DCX: variants seen among roughly 807,000 people sequenced by gnomAD.
DCX encodes doublecortin, also known as neuronal migration protein doublecortin.
DCX carries 4 observed loss-of-function variants against 20.9 expected under a neutral mutation model. The ratio of observed to expected loss-of-function variants is 0.19; its 90% CI spans 0.09 to 0.44. The LOEUF is 0.44. DCX is among the 20% of genes least tolerant of loss of function. The pLI, the probability that DCX is intolerant of heterozygous loss-of-function variation, is 0.99. For synonymous variants in DCX, 103 were observed against 111.4 expected, an observed-to-expected ratio of 0.92 and a Z score of 0.47; for missense variants, 133 against 296.9, an observed-to-expected ratio of 0.45 and a Z score of 4.06.
chrX:111,301,928 C>G (rs2095035190), intron 6 of DCX, among the ~76,000 whole-genome samples, 185 bp from the exon 7 acceptor site: 1 of 111,600 alleles, frequency 9.0e-6, no homozygotes, highest in East Asian at 2.8e-4. Context: ...TCAATTTTCC[C>G]TAATGGTACC....
At position 111,329,271 on chromosome X, in the gene DCX, ATTT is replaced by A. The variant is rs772876760; in HGVS notation, c.946+1630_946+1632del. On this transcript the variant is annotated intron_variant, in intron 5 of 6. Coordinates refer to ENST00000636035, the MANE Select transcript of DCX (RefSeq NM_001195553.2). Reference sequence around the variant, plus strand: ...AACAAGATAGCATCAAGGCACATGTATTTTTTATTTCTTCAGCAAACATTATCT... The same window carrying A: ...AACAAGATAGCATCAAGGCACATGTATTTATTTCTTCAGCAAACATTATCT... Among the ~76,000 whole-genome samples, 286 of 111,863 alleles carry A rather than the reference ATTT, an allele frequency of 2.6e-3. 2 individuals carry two copies. The highest frequency in any genetic ancestry group is 8.7e-3 in the African/African-American group (267 of 30,856).
intron 5 of DCX, among the ~76,000 whole-genome samples, chrX:111,319,796 G>A (rs750698289): frequency 9.0e-5 from 10 of 111,586 alleles, no homozygotes; most frequent in East Asian, 2.8e-4. Flanking sequence ...GGGCAACCCC[G>A]GTAAGTTCTC....
intron 3 of DCX, among the ~76,000 whole-genome samples, chrX:111,376,732 C>G (rs1925565497): frequency 9.0e-6 from 1 of 111,455 alleles, no homozygotes; most frequent in African/African-American, 3.3e-5. Flanking sequence ...TAACAAATTC[C>G]CAGGTGATAC....
intron 2 of DCX, among the ~76,000 whole-genome samples, chrX:111,404,317 T>C (rs1342268963): frequency 8.9e-6 from 1 of 111,892 alleles, no homozygotes; most frequent in Non-Finnish European, 1.9e-5. Context: ...GTGATTATGA[T>C]ATGACATGAG....
intron 3 of DCX, among the ~76,000 whole-genome samples, chrX:111,340,871 C>G (rs1053620474): frequency 9.0e-6 from 1 of 111,086 alleles, no homozygotes; most frequent in African/African-American, 3.3e-5. Context: ...CCACAAAAAC[C>G]CCATGTAAAG....
At chrX:111,325,272 C>A (rs915992779) in intron 5 of DCX, among the ~76,000 whole-genome samples, 1 of 111,357 alleles carries the variant, frequency 9.0e-6, no homozygotes, top group Admixed American at 9.6e-5. Flanking sequence ...GAAGCAAGGA[C>A]CATCCAACGT....
intron 3 of DCX, 108 bp from the exon 4 acceptor site, chrX:111,333,261 T>C (rs1750379573): frequency 1.7e-6 from 1 of 590,950 alleles, no homozygotes; most frequent in Non-Finnish European, 2.9e-6. Context: ...CATCTTCAGC[T>C]CCCAGGAGTT....
chrX:111,310,891 G>C (rs768994252), intron 6 of DCX, among the ~76,000 whole-genome samples: 24 of 112,348 alleles, frequency 2.1e-4, no homozygotes, highest in Non-Finnish European at 3.6e-4. Flanking sequence ...GCTTGTGGAT[G>C]ATGGGTCCTC....
chrX:111,392,892 A>G (rs1055290767), intron 3 of DCX, among the ~76,000 whole-genome samples: 6 of 111,625 alleles, frequency 5.4e-5, no homozygotes, highest in African/African-American at 2.0e-4. Context: ...GATATTTGAC[A>G]GGGAAGTTCA....
rs1927756566 is a variant in DCX at position 111,401,145 on chromosome X, T to C, written c.550A>G (p.Ile184Val). ...KDFVRPKLVT[I>V]IRSGVKPRKA... is the part of the protein sequence containing the mutation. ...CGAGGCTTCACCCCACTGCGGATGATGGTAACCAGCTTGGGGCGCACAAAG... is the reference window on the plus strand; with the variant it reads ...CGAGGCTTCACCCCACTGCGGATGACGGTAACCAGCTTGGGGCGCACAAAG... Residue 184 changes from isoleucine (I) to valine (V), a missense_variant, in exon 3 of 7, where the codon ATC becomes GTC. Physicochemically the swap from Ile to Val is conservative, Grantham distance 29. This residue lies in a region of DCX where 65 missense variants were observed against 212.6 expected (regional missense o/e 0.31). Transcript: ENST00000636035. The C allele has an allele frequency of 1.7e-6, 2 of 1,211,479 alleles. No individual in the cohort carries two copies. The highest frequency in any genetic ancestry group is 2.2e-6 in the Non-Finnish European group (2 of 895,446).
intron 3 of DCX, among the ~76,000 whole-genome samples, chrX:111,339,375 G>A (rs1237569463): frequency 9.0e-6 from 1 of 110,728 alleles, no homozygotes; most frequent in African/African-American, 3.3e-5. Context: ...TACCATGGGA[G>A]GAGAACTGAT....
chrX:111,327,378 T>TA (rs1201587118), intron 5 of DCX, among the ~76,000 whole-genome samples: 4 of 111,543 alleles, frequency 3.6e-5, no homozygotes, highest in Admixed American at 9.5e-5. Flanking sequence ...GGCTAACAGC[T>TA]AAAAAAAATT....
intron 5 of DCX, among the ~76,000 whole-genome samples, chrX:111,316,763 C>T (rs2095073653): frequency 9.0e-6 from 1 of 111,490 alleles, no homozygotes; most frequent in African/African-American, 3.3e-5. Flanking sequence ...CATCACTAGC[C>T]TTCCGAGACA....
chrX:111,400,918 G>T, intron 3 of DCX, 72 bp downstream of exon 3: 1 of 950,590 alleles, frequency 1.1e-6, no homozygotes, highest in Admixed American at 2.2e-5. Flanking sequence ...AACAAGAAAT[G>T]ATATTTTAGG....
At chrX:111,347,725 C>T (rs917692848) in intron 3 of DCX, among the ~76,000 whole-genome samples, 4 of 110,960 alleles carry the variant, frequency 3.6e-5, no homozygotes, top group Non-Finnish European at 7.5e-5. Flanking sequence ...GACTGGTCCT[C>T]AGAAGCTCTT....
intron 3 of DCX, among the ~76,000 whole-genome samples, chrX:111,349,871 T>C (rs183844124): frequency 1.8e-5 from 2 of 111,410 alleles, no homozygotes; most frequent in East Asian, 5.7e-4. Flanking sequence ...AGGGGATTGA[T>C]TACAAAAGTA....
intron 2 of DCX, among the ~76,000 whole-genome samples, chrX:111,406,801 C>T (rs1928245556): frequency 8.9e-6 from 1 of 112,015 alleles, no homozygotes; most frequent in Admixed American, 9.5e-5. Context: ...AGAAAATATG[C>T]AGTGACAACT....
intron 3 of DCX, among the ~76,000 whole-genome samples, chrX:111,351,802 C>A (rs1391335592): frequency 8.9e-6 from 1 of 112,397 alleles, no homozygotes; most frequent in Non-Finnish European, 1.9e-5. Context: ...TATCTCACTG[C>A]AACCTCTGCC....
At chrX:111,344,057 T>C (rs1922556916) in intron 3 of DCX, among the ~76,000 whole-genome samples, 1 of 112,109 alleles carries the variant, frequency 8.9e-6, no homozygotes. Flanking sequence ...CAAGTCGGCT[T>C]CATCCTGGGA....
Sources: allele counts gnomAD v4.1 joint callset (sites outside exome capture counted in the v4.1 genomes callset), GRCh38; gene constraint gnomAD v4.1.1; regional missense constraint gnomAD v4.1.1; transcripts MANE v1.5; gene names NCBI Gene and HGNC (gene_info 2026-07-23, HGNC 2026-07-21).